Variants in GALNT13 observed in about 807,000 individuals in gnomAD.
The protein encoded by GALNT13 is UDP-GalNAc:polypeptide N-acetylgalactosaminyltransferase 13.
In GALNT13, 28 loss-of-function variants were observed where a neutral mutation model predicts 64.2. The observed-to-expected ratio is 0.44, with a 90% CI of 0.32 to 0.60. The LOEUF (loss-of-function observed/expected upper bound fraction) is 0.60. GALNT13 is among the 20% of genes least tolerant of loss of function. The probability of loss-of-function intolerance (pLI) is 0.05; values close to 1 mark genes in which losing one functional copy is unlikely to be tolerated. For missense variants in GALNT13, 577 were observed against 669.8 expected, an observed-to-expected ratio of 0.86 and a Z score of 1.53; for synonymous variants, 214 against 224.6, an observed-to-expected ratio of 0.95 and a Z score of 0.42.
At chr2:153,715,038 C>A in the GALNT13 span, among the ~76,000 whole-genome samples, 5 of 151,928 alleles carry the variant, frequency 3.3e-5, no homozygotes, top group African/African-American at 7.3e-5. Context: ...CTCTCTGTGT[C>A]TGTCATTCCA....
At chr2:153,171,042 C>T in the GALNT13 span, among the ~76,000 whole-genome samples, 1 of 152,158 alleles carries the variant, frequency 6.6e-6, no homozygotes, top group Non-Finnish European at 1.5e-5. Context: ...ACTTTTCCTT[C>T]TTTTTTCTAA....
the GALNT13 span, among the ~76,000 whole-genome samples, chr2:153,239,462 G>A: frequency 6.6e-6 from 1 of 151,986 alleles, no homozygotes; most frequent in African/African-American, 2.4e-5. Context: ...GTGATACTAT[G>A]TGTCTGTTTC....
the GALNT13 span, among the ~76,000 whole-genome samples, chr2:153,609,794 A>T: frequency 6.6e-6 from 1 of 152,206 alleles, no homozygotes; most frequent in African/African-American, 2.4e-5. Context: ...AACATCTAGT[A>T]TAACTGCACA....
At chr2:153,479,720 A>T in the GALNT13 span, among the ~76,000 whole-genome samples, 232 of 152,254 alleles carry the variant, frequency 1.5e-3, no homozygotes, top group African/African-American at 5.3e-3. Flanking sequence ...AGCCCTCCCC[A>T]TTTTCCATAA....
chr2:153,397,791 G>A, the GALNT13 span, among the ~76,000 whole-genome samples: 1 of 152,056 alleles, frequency 6.6e-6, no homozygotes, highest in East Asian at 1.9e-4. Flanking sequence ...CCAATTTACT[G>A]ACGTTTCCAC....
At chr2:153,757,764 G>A in the GALNT13 span, among the ~76,000 whole-genome samples, 6 of 151,880 alleles carry the variant, frequency 4.0e-5, no homozygotes, top group Admixed American at 6.6e-5. Flanking sequence ...TGTATCTGTC[G>A]GCCATTTGAA....
chr2:153,180,414 A>T, the GALNT13 span, among the ~76,000 whole-genome samples: 1 of 152,244 alleles, frequency 6.6e-6, no homozygotes, highest in East Asian at 1.9e-4. Flanking sequence ...ATGTATTGAT[A>T]AAATCAGTTT....
chr2:153,953,961 AGACAGAT>A (rs1558872377), intron 3 of GALNT13, among the ~76,000 whole-genome samples: 1 of 152,112 alleles, frequency 6.6e-6, no homozygotes, highest in Non-Finnish European at 1.5e-5. Flanking sequence ...AAATCCAGGG[AGACAGAT>A]GGCCTTGCTC....
At chr2:153,781,390 C>T in the GALNT13 span, among the ~76,000 whole-genome samples, 4 of 152,182 alleles carry the variant, frequency 2.6e-5, no homozygotes, top group South Asian at 6.2e-4. Context: ...TAAGAAAATG[C>T]GCTTACATAC....
chr2:153,975,993 AAAAT>A lies in GALNT13; in HGVS notation c.142+31364_142+31367del, dbSNP rs148367227. ...CTTCAATAAAGCTGGGGGAAAAAGAAAAATAAATAAATATCACATCCCAACATAC... is the reference window on the plus strand; with the variant it reads ...CTTCAATAAAGCTGGGGGAAAAAGAAAAATAAATATCACATCCCAACATAC... On this transcript the variant is annotated intron_variant, in intron 3 of 12. Coordinates refer to ENST00000392825, the MANE Select transcript of GALNT13 (RefSeq NM_052917.4). Among the ~76,000 whole-genome samples the A allele has an allele frequency of 5.4e-3, 821 of 152,276 alleles. 5 individuals carry two copies. The highest frequency in any genetic ancestry group is 0.018 in the African/African-American group (754 of 41,588).
intron 11 of GALNT13, among the ~76,000 whole-genome samples, chr2:154,417,756 C>T (rs1700084030): frequency 6.6e-6 from 1 of 152,046 alleles, no homozygotes; most frequent in African/African-American, 2.4e-5. Flanking sequence ...AGGTGATCCA[C>T]CCGCCTCCAC....
chr2:154,133,718 G>A (rs1682783271), intron 3 of GALNT13, among the ~76,000 whole-genome samples: 1 of 151,354 alleles, frequency 6.6e-6, no homozygotes, highest in South Asian at 2.1e-4. Flanking sequence ...AATGCACAGT[G>A]GCAAGTACTG....
intron 4 of GALNT13, among the ~76,000 whole-genome samples, chr2:154,149,807 TC>T (rs1300544923): frequency 6.6e-6 from 1 of 152,200 alleles, no homozygotes; most frequent in African/African-American, 2.4e-5. Context: ...AAGTTGCTTA[TC>T]AGCTTAAGGA....
intron 9 of GALNT13, among the ~76,000 whole-genome samples, chr2:154,354,493 G>A (rs1185619368): frequency 8.4e-6 from 1 of 119,584 alleles, no homozygotes; most frequent in Non-Finnish European, 1.6e-5. Context: ...TCTTGGCCAT[G>A]GCCATGTCAG....
At chr2:153,865,256 A>G in the GALNT13 span, among the ~76,000 whole-genome samples, 5 of 30,048 alleles carry the variant, frequency 1.7e-4, 2 homozygotes, top group African/African-American at 5.1e-4. Context: ...ATGGGCAAGG[A>G]CTTCATGTCC....
chr2:154,158,128 T>G (rs906789841), intron 4 of GALNT13, among the ~76,000 whole-genome samples: 1 of 152,174 alleles, frequency 6.6e-6, no homozygotes, highest in Non-Finnish European at 1.5e-5. Context: ...TATCGAGAAT[T>G]GAACATCTCA....
the GALNT13 span, among the ~76,000 whole-genome samples, chr2:153,719,718 G>A: frequency 1.3e-4 from 19 of 151,996 alleles, no homozygotes; most frequent in East Asian, 2.2e-3. Context: ...CTGGAAAATC[G>A]GGTCACTCCC....
the GALNT13 span, among the ~76,000 whole-genome samples, chr2:153,370,010 G>T: frequency 7.2e-5 from 11 of 151,998 alleles, no homozygotes; most frequent in Non-Finnish European, 1.6e-4. Flanking sequence ...TCTAATTTTA[G>T]GTATAATTTG....
chr2:153,924,877 A>G (rs1023135976), intron 2 of GALNT13, among the ~76,000 whole-genome samples: 2 of 152,052 alleles, frequency 1.3e-5, no homozygotes, highest in Non-Finnish European at 2.9e-5. Context: ...GTGTCTGCTC[A>G]TGTCCTTTGT....
Sources: allele counts gnomAD v4.1 joint callset (sites outside exome capture counted in the v4.1 genomes callset), GRCh38; gene constraint gnomAD v4.1.1; transcripts MANE v1.5; gene names NCBI Gene and HGNC (gene_info 2026-07-23, HGNC 2026-07-21).